NR2F1-AS1: variants seen among roughly 807,000 people sequenced by gnomAD.
NR2F1-AS1 encodes NR2F1 antisense RNA 1.
chr5:93,554,691 T>C (rs1272492631), intron 3 of NR2F1-AS1, among the ~76,000 whole-genome samples: 2 of 152,224 alleles, frequency 1.3e-5, no homozygotes, highest in Non-Finnish European at 2.9e-5. Flanking sequence ...TTAGAGGTTC[T>C]GTGAACAAGT....
At chr5:93,503,339 T>C (rs1170213687) in intron 4 of NR2F1-AS1, among the ~76,000 whole-genome samples, 1 of 152,154 alleles carries the variant, frequency 6.6e-6, no homozygotes, top group Non-Finnish European at 1.5e-5. Context: ...ATAGCATTGG[T>C]ATTGTTACAC....
chr5:93,484,729 T>G (rs895504491), intron 4 of NR2F1-AS1, among the ~76,000 whole-genome samples: 3 of 133,454 alleles, frequency 2.2e-5, no homozygotes, highest in African/African-American at 8.6e-5. Flanking sequence ...AAGACACACA[T>G]AGGCTCAAAA....
At chr5:93,469,926 T>C (rs1249411540) in intron 4 of NR2F1-AS1, among the ~76,000 whole-genome samples, 2 of 152,006 alleles carry the variant, frequency 1.3e-5, no homozygotes, top group Non-Finnish European at 2.9e-5. Flanking sequence ...AAGTGCAAAA[T>C]ATAACAACTG....
chr5:93,463,741 G>A (rs566527240), intron 4 of NR2F1-AS1, among the ~76,000 whole-genome samples: 7 of 152,308 alleles, frequency 4.6e-5, no homozygotes, highest in African/African-American at 1.7e-4. Flanking sequence ...TCATTTTGGA[G>A]CTTTAAGACT....
rs577345578 is a variant in NR2F1-AS1, at chr5:93,572,299, A to T, written n.313+8168T>A. On this transcript the variant is annotated intron_variant and non_coding_transcript_variant, in intron 1 of 5. Transcript: ENST00000660523. ...CCCCCCTGTTCCCGCCGGCCACTTG[A>T]TGATGTCGCTCAAACTAGATACGGG... 1.1e-4 allele frequency among the ~76,000 whole-genome samples: 16 copies of T among 152,306 alleles called. No individual in the cohort carries two copies. In the South Asian group the frequency reaches 1.9e-3, roughly 18 times the overall value.
chr5:93,417,762 G>A (rs1748998346), intron 4 of NR2F1-AS1, among the ~76,000 whole-genome samples: 1 of 152,110 alleles, frequency 6.6e-6, no homozygotes, highest in Non-Finnish European at 1.5e-5. Flanking sequence ...ATGCTTCTAG[G>A]TACACAATGA....
At chr5:93,577,487 C>T (rs1752922536) in intron 1 of NR2F1-AS1, among the ~76,000 whole-genome samples, 1 of 152,138 alleles carries the variant, frequency 6.6e-6, no homozygotes, top group Non-Finnish European at 1.5e-5. Context: ...TACAACTAGG[C>T]AGCCACAATA....
intron 4 of NR2F1-AS1, among the ~76,000 whole-genome samples, chr5:93,522,727 C>A (rs1303044639): frequency 6.6e-6 from 1 of 150,484 alleles, no homozygotes; most frequent in Non-Finnish European, 1.5e-5. Context: ...ATTGCCTCAC[C>A]CAGGAACTGC....
intron 4 of NR2F1-AS1, among the ~76,000 whole-genome samples, chr5:93,539,330 A>G (rs1353374747): frequency 1.3e-5 from 2 of 152,174 alleles, no homozygotes; most frequent in Non-Finnish European, 2.9e-5. Context: ...ACTACTTAAC[A>G]ATAGCCAAGA....
intron 4 of NR2F1-AS1, among the ~76,000 whole-genome samples, chr5:93,427,232 C>T (rs139655006): frequency 1.5e-4 from 23 of 152,196 alleles, no homozygotes; most frequent in Non-Finnish European, 3.1e-4. Flanking sequence ...AACTTTATAT[C>T]GCTTCTAAAG....
At chr5:93,517,304 A>G (rs1423559774) in intron 4 of NR2F1-AS1, among the ~76,000 whole-genome samples, 1 of 151,986 alleles carries the variant, frequency 6.6e-6, no homozygotes, top group Non-Finnish European at 1.5e-5. Context: ...TTTCAGAGAA[A>G]CCAGAATTTA....
At chr5:93,575,554 TG>T (rs1459752877) in intron 1 of NR2F1-AS1, among the ~76,000 whole-genome samples, 1 of 152,220 alleles carries the variant, frequency 6.6e-6, no homozygotes, top group Non-Finnish European at 1.5e-5. Flanking sequence ...GAAAAAATTG[TG>T]GGGAGAAATT....
intron 4 of NR2F1-AS1, among the ~76,000 whole-genome samples, chr5:93,488,839 G>A (rs1750778946): frequency 6.6e-6 from 1 of 152,122 alleles, no homozygotes; most frequent in Admixed American, 6.5e-5. Context: ...CAAAGACTTA[G>A]AACCAACCCA....
At chr5:93,444,712 T>C (rs1167951138) in intron 4 of NR2F1-AS1, among the ~76,000 whole-genome samples, 1 of 152,202 alleles carries the variant, frequency 6.6e-6, no homozygotes, top group Non-Finnish European at 1.5e-5. Context: ...AATAGACATC[T>C]ACAGAACTCT....
chr5:93,448,118 C>T (rs1029289646), intron 4 of NR2F1-AS1, among the ~76,000 whole-genome samples: 1 of 152,050 alleles, frequency 6.6e-6, no homozygotes, highest in African/African-American at 2.4e-5. Context: ...TTAATGGGTA[C>T]AGCACACCAA....
chr5:93,462,840 G>T (rs894231268), intron 4 of NR2F1-AS1, among the ~76,000 whole-genome samples: 8 of 152,152 alleles, frequency 5.3e-5, no homozygotes, highest in South Asian at 2.1e-4. Flanking sequence ...TAGGGTATCT[G>T]GCAGAAGAAA....
At chr5:93,504,711 A>G (rs931126558) in intron 4 of NR2F1-AS1, among the ~76,000 whole-genome samples, 2 of 152,210 alleles carry the variant, frequency 1.3e-5, no homozygotes, top group Non-Finnish European at 2.9e-5. Flanking sequence ...TAAACCCATC[A>G]GATCTCCTGA....
intron 4 of NR2F1-AS1, among the ~76,000 whole-genome samples, chr5:93,518,567 G>A (rs1245584640): frequency 2.6e-5 from 4 of 151,954 alleles, no homozygotes; most frequent in Admixed American, 2.6e-4. Context: ...TTTCCAAGAT[G>A]ATACATTTGC....
intron 4 of NR2F1-AS1, chr5:93,410,852 T>C (rs2149838518): frequency 6.6e-6 from 1 of 152,274 alleles, no homozygotes; most frequent in East Asian, 1.9e-4. Context: ...CAAACTACAA[T>C]GTATTAATAT....
Sources: gnomAD v4.1 joint callset for allele counts (sites outside exome capture counted in the v4.1 genomes callset) on GRCh38, gnomAD v4.1.1 for gene constraint, MANE v1.5 for transcripts, NCBI Gene and HGNC (gene_info 2026-07-23, HGNC 2026-07-21) for gene names.